MMP25: variants seen among roughly 807,000 people sequenced by gnomAD.
The protein encoded by MMP25 is matrix metalloproteinase-25.
A neutral mutation model predicts 62.1 loss-of-function variants in MMP25; 68 were observed. That is an observed-to-expected ratio of 1.10 (90% CI 0.90 to 1.34). The LOEUF is 1.34. Ranked by LOEUF, MMP25 falls within the 40% of genes most tolerant of loss-of-function variation. The pLI is 0.00. For synonymous variants in MMP25, 407 were observed against 345.6 expected, an observed-to-expected ratio of 1.18 and a Z score of -1.97; for missense variants, 942 against 792.5, an observed-to-expected ratio of 1.19 and a Z score of -2.26.
At position 3,059,059 on chromosome 16, in the gene MMP25, C is replaced by T. The variant is rs1302822782; in HGVS notation, c.1650C>T (p.Leu550=). The T allele has an allele frequency of 6.4e-7, 1 of 1,550,524 alleles. No homozygotes were observed. Among genetic ancestry groups the T allele is most frequent in the Admixed American group, 2.0e-5 (1 of 51,058 alleles). Residue 550 remains leucine (L), a synonymous_variant, in exon 10 of 10, where the codon CTC becomes CTT. Coordinates refer to ENST00000336577, the MANE Select transcript of MMP25 (RefSeq NM_022468.5). ...GTTGGCCTGCTCCCATCCCGCTGCT[C>T]CTCTTGCCCCTGCTGGTGGGGGGTG... ...AGRWPAPIPL[L]LLPLLVGGVA...
chr16:3,055,576 A>G (rs367726801), intron 4 of MMP25, among the ~76,000 whole-genome samples: 4 of 152,126 alleles, frequency 2.6e-5, no homozygotes, highest in South Asian at 2.1e-4. Context: ...TGGGCATAGG[A>G]GACAGGTTTG....
chr16:3,048,156 A>C (rs2151152148), intron 2 of MMP25, among the ~76,000 whole-genome samples: 1 of 152,258 alleles, frequency 6.6e-6, no homozygotes, highest in South Asian at 2.1e-4. Flanking sequence ...GATTTTTTTA[A>C]ATTTAGCTGA....
chr16:3,059,318 G>T lies in MMP25; in HGVS notation c.*220G>T. On this transcript the variant is annotated 3_prime_UTR_variant, in exon 10 of 10. Coordinates refer to ENST00000336577, the MANE Select transcript of MMP25 (RefSeq NM_022468.5). ...AGTCTCCTCAGGGTCTGAGACCCCG[G>T]CGCTGCCACCGGAACCCGCCTTCAG... 1 of 451,212 alleles carries T rather than the reference G, an allele frequency of 2.2e-6. No individual in the cohort carries two copies. Among genetic ancestry groups the T allele is most frequent in the Non-Finnish European group, 3.7e-6 (1 of 271,956 alleles). The allele number at this position is 451,212 out of a possible 1,614,324, so 28.0% of individuals were successfully genotyped here.
chr16:3,046,951 C>G lies in MMP25; in HGVS notation c.34C>G (p.Leu12Val). ...GCGGCTCCGGCTTCTGGCGCTGCTG[C>G]TTCTGCTGCTGGCACCGCCCGCGCG... ...RLRLRLLALL[L>V]LLLAPPARAP... Residue 12 changes from leucine (L) to valine (V), a missense_variant, in exon 1 of 10, where the codon CTT becomes GTT. Leu to Val is a conservative substitution (Grantham distance 32). Coordinates refer to ENST00000336577, the MANE Select transcript of MMP25 (RefSeq NM_022468.5). 6.8e-7 allele frequency: 1 copy of G among 1,472,390 alleles called. No homozygotes were observed. The highest frequency in any genetic ancestry group is 8.9e-7 in the Non-Finnish European group (1 of 1,120,194). The allele number at this position is 1,472,390 out of a possible 1,614,324, so 91.2% of individuals were successfully genotyped here.
intron 6 of MMP25, 59 bp from the exon 7 acceptor site, chr16:3,057,472 G>T (rs911269755): frequency 6.3e-7 from 1 of 1,597,234 alleles, no homozygotes; most frequent in African/African-American, 1.3e-5. Context: ...GGATGGTGGG[G>T]GTCCCTGCCT....
At chr16:3,053,385 G>A (rs948220295) in intron 4 of MMP25, 1 of 150,532 alleles carries the variant, frequency 6.6e-6, no homozygotes, top group Non-Finnish European at 1.5e-5. Flanking sequence ...AGTAAGTCAG[G>A]GTTCTTCCAC....
At position 3,047,558 on chromosome 16, in the gene MMP25, C is replaced by A. The variant is rs1260376537; in HGVS notation, c.232+11C>A. The A allele has an allele frequency of 6.2e-7, 1 of 1,610,280 alleles. No individual in the cohort carries two copies. Among genetic ancestry groups the A allele is most frequent in the Non-Finnish European group, 8.5e-7 (1 of 1,178,844 alleles). On this transcript the variant is annotated intron_variant, in intron 2 of 9. Coordinates refer to ENST00000336577, the MANE Select transcript of MMP25 (RefSeq NM_022468.5). ...AGACCGGCCGCATGGGTAGGTGGCCCCCACCCCTCCCCAGCCCTGCCTCTG... is the reference window on the plus strand; with the variant it reads ...AGACCGGCCGCATGGGTAGGTGGCCACCACCCCTCCCCAGCCCTGCCTCTG...
chr16:3,047,106 G>T (rs897205065), intron 1 of MMP25, 90 bp downstream of exon 1: 1 of 1,298,386 alleles, frequency 7.7e-7, no homozygotes. Flanking sequence ...AGGAGGCAGG[G>T]GCCAGATTCC....
chr16:3,048,128 C>T (rs907025762), intron 2 of MMP25, among the ~76,000 whole-genome samples: 1 of 152,184 alleles, frequency 6.6e-6, no homozygotes, highest in Non-Finnish European at 1.5e-5. Context: ...TGTGAGCCAC[C>T]GTGCCCAGTC....
In MMP25 at chr16:3,048,955, G is replaced by A. The variant is rs1264223441; in HGVS notation, c.233-1054G>A. Among the ~76,000 whole-genome samples, 5 of 151,834 alleles carry A rather than the reference G, an allele frequency of 3.3e-5. 1 individual carries two copies. The highest frequency in any genetic ancestry group is 9.7e-5 in the African/African-American group (4 of 41,308). On this transcript the variant is annotated intron_variant, in intron 2 of 9. Coordinates refer to ENST00000336577, the MANE Select transcript of MMP25 (RefSeq NM_022468.5). ...TGAGTAGCTGGGACTACAGGCATCC[G>A]CCACCATGCCCAGCTAATTTTTTTG...
intron 4 of MMP25, among the ~76,000 whole-genome samples, chr16:3,050,792 T>G (rs927559684): frequency 1.3e-5 from 2 of 151,878 alleles, no homozygotes; most frequent in Admixed American, 1.3e-4. Flanking sequence ...TTTTTGTTTG[T>G]TTTTTTTACT....
Position 3,050,529 on chromosome 16 carries a change from G to A in MMP25, c.644G>A (p.Trp215Ter). 6.5e-7 allele frequency: 1 copy of A among 1,549,650 alleles called. No individual in the cohort carries two copies. Among genetic ancestry groups the A allele is most frequent in the Non-Finnish European group, 8.7e-7 (1 of 1,147,100 alleles). ...GDTHFDDEETWTFGSKDGEGT... is the reference protein window; with the variant it reads ...GDTHFDDEET The stretch of plus-strand genomic sequence containing the variant: ...ACTCACTTTGACGATGAGGAGACCT[G>A]GACTTTTGGGTCAAAAGGTAAAATC... The change falls in exon 4 of 10, where the codon TGG (tryptophan) becomes TAG (stop). Residue 215 changes from tryptophan to a stop codon, truncating the protein, a stop_gained. Transcript: ENST00000336577. LOFTEE classifies it high-confidence loss of function.
At chr16:3,057,922 T>C (rs915565755) in intron 7 of MMP25, 7 of 575,766 alleles carry the variant, frequency 1.2e-5, no homozygotes, top group Non-Finnish European at 2.1e-5. Context: ...CAGGCTGGGC[T>C]CAATCTCCTG....
rs1955822463 is a variant in MMP25 at position 3,046,572 on chromosome 16, C to T, written c.-346C>T. ...GCCCGGCCCGCCCCACCCAGCCCTC[C>T]GCTCGCGCCCGGAGAGGAGGGGCCG... is the stretch of plus-strand genomic sequence containing the variant. On this transcript the variant is annotated 5_prime_UTR_variant, in exon 1 of 10. Transcript: ENST00000336577. 5.2e-6 allele frequency: 1 copy of T among 194,004 alleles called. No individual in the cohort carries two copies. The allele number at this position is 194,004 out of a possible 1,614,324, so 12.0% of individuals were successfully genotyped here.
chr16:3,047,361 G>A, intron 1 of MMP25, 54 bp from the exon 2 acceptor site: 11 of 1,567,454 alleles, frequency 7.0e-6, no homozygotes, highest in East Asian at 2.3e-5. Context: ...GGTGGGCAGA[G>A]AGAGCCCATA....
At chr16:3,056,536 T>G (rs1014470236) in intron 4 of MMP25, among the ~76,000 whole-genome samples, 1 of 152,084 alleles carries the variant, frequency 6.6e-6, no homozygotes, top group Non-Finnish European at 1.5e-5. Context: ...GCCTGGGACC[T>G]GAGTAGCTGG....
In MMP25 at chr16:3,058,669, G is replaced by A; in HGVS notation, c.1417G>A (p.Gly473Ser). The A allele has an allele frequency of 1.3e-6, 2 of 1,595,370 alleles. No individual in the cohort carries two copies. The highest frequency in any genetic ancestry group is 1.7e-6 in the Non-Finnish European group (2 of 1,170,114). Residue 473 changes from glycine to serine, a missense_variant and splice_region_variant, in exon 9 of 10, where the codon GGT (glycine) becomes AGT (serine). By Grantham distance (56) the Gly-to-Ser change is moderately conservative. Transcript: ENST00000336577. ...SPDDVTVSNA[G>S]DTYFFKGAHY... The stretch of plus-strand genomic sequence containing the variant: ...TGACGATGTCACCGTCAGCAACGCA[G>A]GTGGGGAGCGCGGTGACCTGCGGGT...
At position 3,050,051 on chromosome 16, in the gene MMP25, T is replaced by C. The variant is rs1056332627; in HGVS notation, c.275T>C (p.Leu92Pro). 5.0e-6 allele frequency: 8 copies of C among 1,610,848 alleles called. No homozygotes were observed. The highest frequency in any genetic ancestry group is 6.8e-6 in the Non-Finnish European group (8 of 1,179,936). The change falls in exon 3 of 10, where the codon CTG (leucine) becomes CCG (proline). Residue 92 changes from leucine (L) to proline (P), a missense_variant. Coordinates refer to ENST00000336577, the MANE Select transcript of MMP25 (RefSeq NM_022468.5). ...ACCATGCGTAAGCCCCGCTGCTCCC[T>C]GCCTGACGTGCTGGGGGTGGCGGGG... ...VATMRKPRCS[L>P]PDVLGVAGLV... is the part of the protein sequence containing the mutation.
intron 4 of MMP25, chr16:3,052,550 G>C (rs1191222516): frequency 1.3e-5 from 2 of 152,094 alleles, no homozygotes; most frequent in African/African-American, 4.8e-5. Flanking sequence ...CCTGGGGAAG[G>C]GGGCAGTGGA....
Sources: allele counts gnomAD v4.1 joint callset (sites outside exome capture counted in the v4.1 genomes callset), GRCh38; gene constraint gnomAD v4.1.1; transcripts MANE v1.5; gene names NCBI Gene and HGNC (gene_info 2026-07-23, HGNC 2026-07-21).